DNAJC21: variants seen among roughly 807,000 people sequenced by gnomAD.
The protein encoded by DNAJC21 is DnaJ heat shock protein family (Hsp40) member C21.
A neutral mutation model predicts 72.4 loss-of-function variants in DNAJC21; 63 were observed. That is an observed-to-expected ratio of 0.87 (90% confidence interval 0.71 to 1.07). The LOEUF (loss-of-function observed/expected upper bound fraction) is 1.07, where lower values mean the gene tolerates loss of function less well. Among genes scored for constraint, DNAJC21 ranks in the 50% least tolerant of loss-of-function variants. The pLI, the probability that DNAJC21 is intolerant of heterozygous loss-of-function variation, is 0.00. For missense variants in DNAJC21, 634 were observed against 644.8 expected, an observed-to-expected ratio of 0.98 and a Z score of 0.18; for synonymous variants, 203 against 216.7, an observed-to-expected ratio of 0.94 and a Z score of 0.56.
chr5:34,944,731 A>G, intron 7 of DNAJC21, 136 bp from the exon 8 acceptor site: 4 of 1,255,742 alleles, frequency 3.2e-6, no homozygotes, highest in Non-Finnish European at 4.5e-6. Context: ...AAAAAAAGAA[A>G]AAAATAAATA....
intron 2 of DNAJC21, among the ~76,000 whole-genome samples, 198 bp downstream of exon 2, chr5:34,934,106 A>C (rs962168960): frequency 4.9e-5 from 7 of 142,996 alleles, no homozygotes; most frequent in African/African-American, 1.5e-4. Context: ...ATCTGATATC[A>C]TAGGGGGTGA....
chr5:34,953,110 A>C lies in DNAJC21; in HGVS notation c.1359-816A>C, dbSNP rs554369895. ...GGTTGCAGTGAGCCAAGATCGCGCCACTGCACTCGAGCCTGGGTGACAGAG... is the reference window on the plus strand; with the variant it reads ...GGTTGCAGTGAGCCAAGATCGCGCCCCTGCACTCGAGCCTGGGTGACAGAG... On this transcript the variant is annotated intron_variant, in intron 10 of 11. Coordinates refer to ENST00000648817, the MANE Select transcript of DNAJC21 (RefSeq NM_001012339.3). 3.3e-5 allele frequency among the ~76,000 whole-genome samples: 5 copies of C among 151,850 alleles called. No homozygotes were observed. In the East Asian group the frequency reaches 9.9e-4, roughly 30 times the overall value.
chr5:34,947,117 G>T (rs1425737427), intron 9 of DNAJC21, among the ~76,000 whole-genome samples: 2 of 152,074 alleles, frequency 1.3e-5, no homozygotes, highest in African/African-American at 4.8e-5. Context: ...ACTTGAGATT[G>T]GGGAAGTTTT....
rs1165142846 is a variant in DNAJC21 at position 34,955,803 on chromosome 5, C to T, written c.*1089C>T. ...TCGCGGTGGCTCACGCCTGTAATCCCAGCACTTTGGGAGGCCGAGGCGGGC... is the reference window on the plus strand; with the variant it reads ...TCGCGGTGGCTCACGCCTGTAATCCTAGCACTTTGGGAGGCCGAGGCGGGC... On this transcript the variant is annotated 3_prime_UTR_variant, in exon 12 of 12. Transcript: ENST00000648817. 6.6e-6 allele frequency: 1 copy of T among 151,484 alleles called. No homozygotes were observed. The highest frequency in any genetic ancestry group is 1.5e-5 in the Non-Finnish European group (1 of 67,862). The allele number at this position is 151,484 out of a possible 1,614,324, so 9.4% of individuals were successfully genotyped here.
intron 1 of DNAJC21, chr5:34,930,437 C>G (rs776160003): frequency 6.6e-6 from 1 of 151,262 alleles, no homozygotes; most frequent in African/African-American, 2.5e-5. Flanking sequence ...TAGGGATGCG[C>G]TTTTTTCGCT....
At chr5:34,952,916 C>T (rs1187388271) in intron 10 of DNAJC21, among the ~76,000 whole-genome samples, 1 of 151,958 alleles carries the variant, frequency 6.6e-6, no homozygotes, top group African/African-American at 2.4e-5. Flanking sequence ...TTTGGAAAGC[C>T]AAGGCGGGTG....
chr5:34,934,255 G>C (rs1764695710), intron 2 of DNAJC21, among the ~76,000 whole-genome samples: 1 of 151,986 alleles, frequency 6.6e-6, no homozygotes, highest in South Asian at 2.1e-4. Context: ...TTGAGACGCA[G>C]TTTTGCTCTG....
At chr5:34,933,991 G>A in intron 2 of DNAJC21, 83 bp downstream of exon 2, 1 of 1,240,582 alleles carries the variant, frequency 8.1e-7, no homozygotes, top group Non-Finnish European at 1.1e-6. Flanking sequence ...TTCAAATTTA[G>A]TACATTAAAT....
intron 10 of DNAJC21, chr5:34,951,459 C>G: frequency 1.0e-6 from 1 of 985,294 alleles, no homozygotes; most frequent in Non-Finnish European, 1.2e-6. Flanking sequence ...AAAGAGTGGG[C>G]CAGGAGGTGG....
intron 7 of DNAJC21, among the ~76,000 whole-genome samples, chr5:34,942,247 G>A (rs988904297): frequency 1.3e-5 from 2 of 152,102 alleles, no homozygotes; most frequent in African/African-American, 4.8e-5. Flanking sequence ...CTGGCCCAGA[G>A]TATCTTTGCT....
intron 2 of DNAJC21, 90 bp from the exon 3 acceptor site, chr5:34,935,620 T>G: frequency 1.3e-6 from 2 of 1,550,376 alleles, no homozygotes; most frequent in South Asian, 2.3e-5. Flanking sequence ...CAACCAAAAA[T>G]GTACAATAAT....
Position 34,954,760 on chromosome 5 carries a change from CA to C in DNAJC21, c.*52del. ...TTTGACTGTCTCTAGATTTTGAAACCAAAAAACTGAACTGAAATCATCTAAA... is the reference window on the plus strand; with the variant it reads ...TTTGACTGTCTCTAGATTTTGAAACCAAAAACTGAACTGAAATCATCTAAA... On this transcript the variant is annotated 3_prime_UTR_variant, in exon 12 of 12. Transcript: ENST00000648817. The C allele has an allele frequency of 6.7e-7, 1 of 1,494,958 alleles. No individual in the cohort carries two copies. Among genetic ancestry groups the C allele is most frequent in the Non-Finnish European group, 8.9e-7 (1 of 1,118,598 alleles). 92.6% of individuals were successfully genotyped at this position (1,494,958 alleles called of 1,614,324 possible). A position where few individuals can be genotyped will look rare whatever the true frequency, so the allele number is the denominator to read the frequency against.
chr5:34,952,233 G>A (rs1195551482), intron 10 of DNAJC21: 2 of 984,684 alleles, frequency 2.0e-6, no homozygotes, highest in Non-Finnish European at 2.4e-6. Flanking sequence ...TGTTTGCCAG[G>A]AATATTATCC....
intron 3 of DNAJC21, 82 bp from the exon 4 acceptor site, chr5:34,936,062 T>A: frequency 6.5e-7 from 1 of 1,538,610 alleles, no homozygotes; most frequent in East Asian, 2.3e-5. Flanking sequence ...AACATTAAAA[T>A]TTTTCATTTT....
chr5:34,935,855 T>G (rs370997395), intron 3 of DNAJC21, 22 bp downstream of exon 3: 1 of 1,613,282 alleles, frequency 6.2e-7, no homozygotes, highest in Non-Finnish European at 8.5e-7. Flanking sequence ...GAACTCACCC[T>G]TGATTTCTCA....
At chr5:34,954,226 C>T in intron 11 of DNAJC21, 1 of 471,670 alleles carries the variant, frequency 2.1e-6, no homozygotes. Context: ...CTGTTGTTTT[C>T]TATTACTTTT....
rs17304200 is a variant in DNAJC21, at chr5:34,945,017, A to G, written c.1134A>G (p.Pro378=). ...CTGAGGAAGAAATGGAAGATGCACC[A>G]AAACAAAAGTACTTCTAAATATTAA... is the stretch of plus-strand genomic sequence containing the variant. The part of the protein sequence containing the change: ...DNSEEEMEDA[P]KQKLSKKQKK... Residue 378 remains proline, a synonymous_variant, in exon 8 of 12, where the codon CCA becomes CCG. Transcript: ENST00000648817. 122,872 of 1,612,196 alleles carry G rather than the reference A, an allele frequency of 0.076. 5,436 individuals carry two copies. Among genetic ancestry groups the G allele is most frequent in the South Asian group, 0.13 (11,979 of 90,640 alleles).
At chr5:34,941,644 G>A (rs1248866729) in intron 7 of DNAJC21, among the ~76,000 whole-genome samples, 1 of 132,388 alleles carries the variant, frequency 7.6e-6, no homozygotes, top group African/African-American at 2.8e-5. Context: ...TCAGCTCACT[G>A]CAACCTCCAC....
At position 34,937,670 on chromosome 5, in the gene DNAJC21, G is replaced by A. The variant is rs748925322; in HGVS notation, c.743+40G>A. On this transcript the variant is annotated intron_variant, in intron 5 of 11. Coordinates refer to ENST00000648817, the MANE Select transcript of DNAJC21 (RefSeq NM_001012339.3). ...TGGGGCCCTCTTCTCAGTATCGGTGGGGGTCAGAGGCAGCACCAGAGGTAC... is the reference window on the plus strand; with the variant it reads ...TGGGGCCCTCTTCTCAGTATCGGTGAGGGTCAGAGGCAGCACCAGAGGTAC... 8.9e-6 allele frequency: 14 copies of A among 1,571,306 alleles called. No individual in the cohort carries two copies. The African/African-American group carries it at 1.9e-4, about 21-fold the overall frequency.
Sources: allele counts gnomAD v4.1 joint callset (sites outside exome capture counted in the v4.1 genomes callset), GRCh38; gene constraint gnomAD v4.1.1; transcripts MANE v1.5; gene names NCBI Gene and HGNC (gene_info 2026-07-23, HGNC 2026-07-21).